The following ADGRL3 variants were observed in gnomAD, a reference collection of about 807,000 sequenced individuals.
The protein encoded by ADGRL3 is calcium-independent alpha-latrotoxin receptor 3.
A neutral mutation model predicts 153.5 loss-of-function variants in ADGRL3; 62 were observed. The ratio of observed to expected loss-of-function variants is 0.40; its 90% CI spans 0.33 to 0.50. The LOEUF (loss-of-function observed/expected upper bound fraction) is 0.50. Ranked by LOEUF, ADGRL3 falls within the 20% of genes least tolerant of loss-of-function variation. The probability of loss-of-function intolerance (pLI) is 0.47; values close to 1 mark genes in which losing one functional copy is unlikely to be tolerated. For missense variants in ADGRL3, 1,641 were observed against 1,859.4 expected, an observed-to-expected ratio of 0.88 and a Z score of 2.16; for synonymous variants, 710 against 672.5, an observed-to-expected ratio of 1.06 and a Z score of -0.86.
At chr4:61,519,149 A>G (rs1264854239) in intron 4 of ADGRL3, among the ~76,000 whole-genome samples, 1 of 152,150 alleles carries the variant, frequency 6.6e-6, no homozygotes, top group Non-Finnish European at 1.5e-5. Flanking sequence ...AGCTGCTGGA[A>G]ACTCTCTCTT....
At chr4:61,507,606 C>T (rs335289) in intron 3 of ADGRL3, among the ~76,000 whole-genome samples, 3,149 of 152,224 alleles carry the variant, frequency 0.021, 104 homozygotes, top group African/African-American at 0.072. Flanking sequence ...TTGAATTGTA[C>T]TTCTATAATT....
chr4:61,876,160 AT>A, intron 9 of ADGRL3, among the ~76,000 whole-genome samples: 1 of 152,206 alleles, frequency 6.6e-6, no homozygotes, highest in South Asian at 2.1e-4. Flanking sequence ...CATATCTCAT[AT>A]GATTTTTCAC....
chr4:61,464,111 C>T (rs2097853744), intron 2 of ADGRL3, among the ~76,000 whole-genome samples: 1 of 152,150 alleles, frequency 6.6e-6, no homozygotes, highest in African/African-American at 2.4e-5. Flanking sequence ...TTTACAAAAA[C>T]AGGCCACCTA....
chr4:61,518,389 G>A (rs115514846), intron 4 of ADGRL3, among the ~76,000 whole-genome samples: 564 of 8,710 alleles, frequency 0.065, 3 homozygotes, highest in African/African-American at 0.18. Context: ...TTTCTTGAGA[G>A]GGATACACAT....
At chr4:62,021,581 A>G (rs540748956) in intron 21 of ADGRL3, among the ~76,000 whole-genome samples, 23 of 152,108 alleles carry the variant, frequency 1.5e-4, no homozygotes, top group Admixed American at 8.5e-4. Flanking sequence ...TTTTTTACAA[A>G]TTGTAAGTTT....
At chr4:62,036,462 G>A (rs1347716960) in intron 23 of ADGRL3, among the ~76,000 whole-genome samples, 1 of 151,992 alleles carries the variant, frequency 6.6e-6, no homozygotes, top group Non-Finnish European at 1.5e-5. Context: ...CACATAATAA[G>A]CACTCAATAA....
chr4:61,591,691 A>AT (rs933671298), intron 5 of ADGRL3, among the ~76,000 whole-genome samples: 5 of 151,694 alleles, frequency 3.3e-5, no homozygotes, highest in Non-Finnish European at 5.9e-5. Context: ...AAGTAGGAGT[A>AT]TTTTTTTTCT....
intron 1 of ADGRL3, among the ~76,000 whole-genome samples, chr4:61,251,168 C>T (rs1178542081): frequency 6.6e-6 from 1 of 152,128 alleles, no homozygotes; most frequent in Non-Finnish European, 1.5e-5. Context: ...CCTGGGGCTT[C>T]AGTGGGGAAG....
rs185206893 is a variant in ADGRL3 at position 61,315,890 on chromosome 4, A to G, written c.-239-67234A>G. On this transcript the variant is annotated intron_variant, in intron 1 of 26. Coordinates refer to ENST00000683033, the MANE Select transcript of ADGRL3 (RefSeq NM_001387552.1). The stretch of plus-strand genomic sequence containing the variant: ...CCTTTCCATTTTCCACATATTTATC[A>G]TGTAAAAATACAGTTCAGAAGTATC... 3.8e-3 allele frequency among the ~76,000 whole-genome samples: 582 copies of G among 152,300 alleles called. 15 individuals carry two copies. The highest frequency in any genetic ancestry group is 0.036 in the Admixed American group (551 of 15,292).
intron 9 of ADGRL3, among the ~76,000 whole-genome samples, chr4:61,874,982 G>GT (rs1353069712): frequency 6.7e-6 from 1 of 150,258 alleles, no homozygotes; most frequent in Non-Finnish European, 1.5e-5. Context: ...CTAATTTTTT[G>GT]TATTTTTAGT....
chr4:61,950,485 A>C (rs1224882634), intron 17 of ADGRL3, among the ~76,000 whole-genome samples: 8 of 152,218 alleles, frequency 5.3e-5, no homozygotes, highest in African/African-American at 1.4e-4. Flanking sequence ...CATGGTGTGT[A>C]GAGCATGGTA....
chr4:61,872,297 T>C (rs1004397442), intron 9 of ADGRL3, among the ~76,000 whole-genome samples: 4 of 152,076 alleles, frequency 2.6e-5, no homozygotes, highest in Admixed American at 6.6e-5. Flanking sequence ...AAATAGAGAA[T>C]GATGGAAGGA....
chr4:61,934,765 A>G (rs2098831275), intron 13 of ADGRL3, 75 bp from the exon 14 acceptor site: 2 of 1,168,410 alleles, frequency 1.7e-6, no homozygotes, highest in African/African-American at 3.0e-5. Context: ...CTTGCTGGGC[A>G]ACATGTACAC....
chr4:61,258,525 C>T (rs963169829), intron 1 of ADGRL3, among the ~76,000 whole-genome samples: 16 of 152,088 alleles, frequency 1.1e-4, no homozygotes, highest in African/African-American at 2.7e-4. Context: ...CATCTGCCTC[C>T]GGATTGTTGT....
intron 8 of ADGRL3, among the ~76,000 whole-genome samples, chr4:61,770,118 G>T (rs570481905): frequency 2.0e-5 from 3 of 152,164 alleles, no homozygotes; most frequent in Non-Finnish European, 4.4e-5. Flanking sequence ...TCAGTAAAAC[G>T]TATTAGTAAA....
chr4:61,772,196 C>A (rs1244417926), intron 8 of ADGRL3, among the ~76,000 whole-genome samples: 1 of 152,194 alleles, frequency 6.6e-6, no homozygotes, highest in East Asian at 1.9e-4. Flanking sequence ...TTACAAATTT[C>A]TCCTGCTAAT....
intron 21 of ADGRL3, among the ~76,000 whole-genome samples, chr4:62,003,123 C>G (rs997504470): frequency 1.3e-5 from 2 of 151,990 alleles, no homozygotes; most frequent in African/African-American, 4.8e-5. Flanking sequence ...TAGAAAAGAA[C>G]ATTGGTGCCT....
At chr4:61,559,916 T>C (rs1031247403) in intron 4 of ADGRL3, among the ~76,000 whole-genome samples, 1 of 152,030 alleles carries the variant, frequency 6.6e-6, no homozygotes, top group Non-Finnish European at 1.5e-5. Flanking sequence ...TCCCAGAACA[T>C]ACTGTTTATT....
intron 1 of ADGRL3, among the ~76,000 whole-genome samples, chr4:61,289,018 A>G (rs946491105): frequency 1.3e-5 from 2 of 151,996 alleles, no homozygotes; most frequent in Non-Finnish European, 2.9e-5. Context: ...ATATATTTAT[A>G]TATACACACA....
Sources: allele counts gnomAD v4.1 joint callset (sites outside exome capture counted in the v4.1 genomes callset), GRCh38; gene constraint gnomAD v4.1.1; transcripts MANE v1.5; gene names NCBI Gene and HGNC (gene_info 2026-07-23, HGNC 2026-07-21).